Variants in SYNPO2 observed in about 807,000 individuals in gnomAD.
SYNPO2 encodes the protein synaptopodin-2.
A neutral mutation model predicts 85.0 loss-of-function variants in SYNPO2; 56 were observed. The ratio of observed to expected loss-of-function variants is 0.66; its 90% confidence interval spans 0.53 to 0.82. The LOEUF (loss-of-function observed/expected upper bound fraction) is 0.82, where lower values mean the gene tolerates loss of function less well. Among genes scored for constraint, SYNPO2 ranks in the 40% least tolerant of loss-of-function variants. The pLI is 0.00. For missense variants in SYNPO2, 1,575 were observed against 1,534.2 expected, an observed-to-expected ratio of 1.03 and a Z score of -0.44; for synonymous variants, 602 against 591.1, an observed-to-expected ratio of 1.02 and a Z score of -0.27.
chr4:118,922,245 T>A (rs1292469730), intron 1 of SYNPO2, among the ~76,000 whole-genome samples: 2 of 152,112 alleles, frequency 1.3e-5, no homozygotes, highest in African/African-American at 4.8e-5. Flanking sequence ...TTACCCTTTT[T>A]AATTATCGAT....
intron 3 of SYNPO2, among the ~76,000 whole-genome samples, chr4:119,028,785 T>C (rs1392763209): frequency 2.0e-5 from 3 of 152,016 alleles, no homozygotes; most frequent in Non-Finnish European, 4.4e-5. Flanking sequence ...TTTTTCTTAA[T>C]TTTCCACTTA....
Position 119,027,300 on chromosome 4 carries a change from C to G in SYNPO2, c.931C>G (p.Pro311Ala). Residue 311 changes from proline (P) to alanine (A), a missense_variant, in exon 3 of 5, where the codon CCA (proline) becomes GCA (alanine). By Grantham distance (27) the Pro-to-Ala change is conservative. Transcript: ENST00000307142. ...GGCAGGAAAGGAGTGTGTGGATTCT[C>G]CAGTGGAAGGAGGGCAGTCAGAAGC... ...LQAGKECVDSPVEGGQSEAPP... is the reference protein window; with the variant it reads ...LQAGKECVDSAVEGGQSEAPP... 1 of 1,614,016 alleles carries G rather than the reference C, an allele frequency of 6.2e-7. No homozygotes were observed. The highest frequency in any genetic ancestry group is 1.6e-4 in the Middle Eastern group (1 of 6,062).
chr4:119,030,039 G>A lies in SYNPO2; in HGVS notation c.1264G>A (p.Asp422Asn). 6.2e-7 allele frequency: 1 copy of A among 1,614,120 alleles called. No homozygotes were observed. The highest frequency in any genetic ancestry group is 8.5e-7 in the Non-Finnish European group (1 of 1,180,022). ...YGTGELEREA[D>N]EEEEGDKEDT... ...TACTGGCGAGCTTGAGCGAGAGGCG[G>A]ACGAGGAGGAAGAAGGTGACAAGGA... is the stretch of plus-strand genomic sequence containing the variant. Residue 422 changes from aspartate to asparagine, a missense_variant, in exon 4 of 5, where the codon GAC (aspartate) becomes AAC (asparagine). Asp to Asn is a conservative substitution (Grantham distance 23). Transcript: ENST00000307142.
rs529513833 is a variant in SYNPO2, at chr4:118,929,390, A to C, written c.105+40249A>C. On this transcript the variant is annotated intron_variant, in intron 1 of 4. Coordinates refer to ENST00000307142, the MANE Select transcript of SYNPO2 (RefSeq NM_133477.3). Reference sequence around the variant, plus strand: ...TCTCTAAATTTATATCAACATAAAGAATTCTGAGTATCCTATAAGAAAATC... The same window carrying C: ...TCTCTAAATTTATATCAACATAAAGCATTCTGAGTATCCTATAAGAAAATC... Among the ~76,000 whole-genome samples, 4 of 152,240 alleles carry C rather than the reference A, an allele frequency of 2.6e-5. No homozygotes were observed. In the South Asian group the frequency reaches 8.3e-4, roughly 32 times the overall value.
chr4:118,976,763 A>T (rs916894598), intron 1 of SYNPO2, among the ~76,000 whole-genome samples: 1 of 150,878 alleles, frequency 6.6e-6, no homozygotes, highest in Admixed American at 6.6e-5. Flanking sequence ...GTGTTTACAA[A>T]CCTTGAGCTA....
intron 4 of SYNPO2, chr4:119,034,842 G>A (rs1738436911): frequency 9.1e-6 from 9 of 985,398 alleles, no homozygotes; most frequent in African/African-American, 3.5e-5. Context: ...ACCTCCAGAC[G>A]TCAGCCTCCC....
chr4:118,995,862 TTATCTATC>T (rs34223926), intron 1 of SYNPO2, among the ~76,000 whole-genome samples: 4,087 of 148,392 alleles, frequency 0.028, 73 homozygotes, highest in Middle Eastern at 0.038. Flanking sequence ...TCTATTTATC[TTATCTATC>T]TATCTATCTA....
At chr4:118,887,433 A>G (rs1382126366), upstream of SYNPO2, among the ~76,000 whole-genome samples, 3 of 152,216 alleles carry the variant, frequency 2.0e-5, no homozygotes, top group Non-Finnish European at 2.9e-5. Flanking sequence ...TGAGCCTGCT[A>G]TATTTGTGGT....
At position 119,058,638 on chromosome 4, in the gene SYNPO2, A is replaced by C. The variant is rs9992697; in HGVS notation, c.*704A>C. On this transcript the variant is annotated 3_prime_UTR_variant, in exon 5 of 5. Coordinates refer to ENST00000307142, the MANE Select transcript of SYNPO2 (RefSeq NM_133477.3). Reference sequence around the variant, plus strand: ...TACAGGCATGAACCACCACACCTGGATAATTTTTGTATTTTTAGTAGACAC... The same window carrying C: ...TACAGGCATGAACCACCACACCTGGCTAATTTTTGTATTTTTAGTAGACAC... The C allele has an allele frequency of 0.2, 30,114 of 151,252 alleles. 3,913 individuals carry two copies. Among genetic ancestry groups the C allele is most frequent in the African/African-American group, 0.37 (15,109 of 41,166 alleles). The allele number at this position is 151,252 out of a possible 1,614,324, so 9.4% of individuals were successfully genotyped here.
intron 1 of SYNPO2, among the ~76,000 whole-genome samples, chr4:118,974,194 G>GC (rs1368169260): frequency 6.6e-6 from 1 of 152,238 alleles, no homozygotes; most frequent in Non-Finnish European, 1.5e-5. Context: ...AAGGGAATCA[G>GC]CCGTAGCAAG....
intron 4 of SYNPO2, chr4:119,038,054 A>G (rs1738585850): frequency 1.2e-6 from 1 of 804,380 alleles, no homozygotes. Context: ...TGCAACAATC[A>G]CTAAGCTTAT....
chr4:119,051,186 A>ATGTTTT (rs376359189), intron 4 of SYNPO2, among the ~76,000 whole-genome samples: 18,466 of 100,296 alleles, frequency 0.18, 4,161 homozygotes, highest in African/African-American at 0.3. Flanking sequence ...ATGGGAAGCA[A>ATGTTTT]TTTTTTTTTT....
At chr4:118,984,673 T>C (rs999044444) in intron 1 of SYNPO2, among the ~76,000 whole-genome samples, 1 of 152,212 alleles carries the variant, frequency 6.6e-6, no homozygotes, top group Non-Finnish European at 1.5e-5. Context: ...AATTCCAAAG[T>C]ACTTTTCCAG....
chr4:118,938,035 G>A (rs1186127693), intron 1 of SYNPO2, among the ~76,000 whole-genome samples: 1 of 152,126 alleles, frequency 6.6e-6, no homozygotes, highest in Admixed American at 6.5e-5. Context: ...AGGCACGGTG[G>A]CTCACACCTG....
At chr4:118,854,458 A>G (rs1419561423) in intron 1 of SYNPO2, among the ~76,000 whole-genome samples, 1 of 152,236 alleles carries the variant, frequency 6.6e-6, no homozygotes, top group Non-Finnish European at 1.5e-5. Flanking sequence ...AGCCAATTCA[A>G]AATAGTTCAA....
chr4:118,915,662 T>C (rs1048808725), intron 1 of SYNPO2, among the ~76,000 whole-genome samples: 2 of 152,160 alleles, frequency 1.3e-5, no homozygotes, highest in African/African-American at 2.4e-5. Flanking sequence ...TTTCCTCTTG[T>C]ACATGGGCAA....
At position 119,031,031 on chromosome 4, in the gene SYNPO2, A is replaced by G; in HGVS notation, c.2256A>G (p.Lys752=). 1 of 1,614,090 alleles carries G rather than the reference A, an allele frequency of 6.2e-7. No individual in the cohort carries two copies. The highest frequency in any genetic ancestry group is 8.5e-7 in the Non-Finnish European group (1 of 1,180,018). ...ATTTCATGCAAAGCTCCTCTGCCAA[A>G]CAAAAGACCCCTCCTCCTGTTGCTC... is the stretch of plus-strand genomic sequence containing the variant. ...ACNFMQSSSA[K]QKTPPPVAPK... The change falls in exon 4 of 5, where the codon AAA becomes AAG. Residue 752 remains lysine, a synonymous_variant. Coordinates refer to ENST00000307142, the MANE Select transcript of SYNPO2 (RefSeq NM_133477.3).
chr4:118,964,514 A>G (rs1032634706), intron 1 of SYNPO2, among the ~76,000 whole-genome samples: 3 of 151,850 alleles, frequency 2.0e-5, no homozygotes, highest in African/African-American at 7.3e-5. Context: ...AAAAAAAACA[A>G]TTAAAAACTG....
chr4:118,901,391 ACATATTCCAAATAACC>A (rs1465921548), intron 1 of SYNPO2, among the ~76,000 whole-genome samples: 1 of 152,208 alleles, frequency 6.6e-6, no homozygotes, highest in Admixed American at 6.5e-5. Context: ...TTCCTCTGTC[ACATATTCCAAATAACC>A]CATATTCCAA....
Sources: gnomAD v4.1 joint callset for allele counts (sites outside exome capture counted in the v4.1 genomes callset) on GRCh38, gnomAD v4.1.1 for gene constraint, MANE v1.5 for transcripts, NCBI Gene and HGNC (gene_info 2026-07-23, HGNC 2026-07-21) for gene names.